RTF1: variants seen among roughly 807,000 people sequenced by gnomAD.
RTF1 encodes RTF1 homolog, Paf1/RNA polymerase II complex component, also known as RNA polymerase-associated protein RTF1 homolog.
In RTF1, 10 loss-of-function variants were observed where a neutral mutation model predicts 95.7. The observed-to-expected ratio is 0.10, with a 90% CI of 0.06 to 0.18. The LOEUF (loss-of-function observed/expected upper bound fraction) is 0.18, where lower values mean the gene tolerates loss of function less well. RTF1 is among the 10% of genes least tolerant of loss of function. The pLI is 1.00. For synonymous variants in RTF1, 305 were observed against 311.8 expected, an observed-to-expected ratio of 0.98 and a Z score of 0.23; for missense variants, 458 against 875.6, an observed-to-expected ratio of 0.52 and a Z score of 6.02.
intron 1 of RTF1, among the ~76,000 whole-genome samples, chr15:41,426,686 CCCGCCCCCCCCCCCCCCCG>C: frequency 1.2e-4 from 1 of 8,578 alleles, no homozygotes; most frequent in African/African-American, 3.2e-4. Context: ...GGTGATCCAC[CCCGCCCCCCCCCCCCCCCG>C]CCCCCCCCCC....
At position 41,453,165 on chromosome 15, in the gene RTF1, A is replaced by C. The variant is rs1595433508; in HGVS notation, c.457+117A>C. 7.8e-6 allele frequency: 6 copies of C among 773,440 alleles called. No individual in the cohort carries two copies. The East Asian group carries it at 1.8e-4, about 23-fold the overall frequency. The allele number at this position is 773,440 out of a possible 1,614,324, so 47.9% of individuals were successfully genotyped here. ...GCATTCAGCATGACCTCTTCTTTAG[A>C]GCAGTGGTTCTTAACTTTTTCCATG... On this transcript the variant is annotated intron_variant, in intron 3 of 17. Transcript: ENST00000389629.
At chr15:41,443,408 C>T (rs1203196416) in intron 2 of RTF1, among the ~76,000 whole-genome samples, 1 of 152,144 alleles carries the variant, frequency 6.6e-6, no homozygotes, top group Non-Finnish European at 1.5e-5. Context: ...AGAAGCAAGG[C>T]TGTTTGTAAG....
At position 41,436,667 on chromosome 15, in the gene RTF1, T is replaced by C. The variant is rs189016497; in HGVS notation, c.199-1654T>C. ...AAATTAGCCAGGCATGGTGGCATTC[T>C]CCTGTAGTCCCATCTACTTGGGAGG... On this transcript the variant is annotated intron_variant, in intron 1 of 17. Coordinates refer to ENST00000389629, the MANE Select transcript of RTF1 (RefSeq NM_015138.5). Among the ~76,000 whole-genome samples the C allele has an allele frequency of 5.6e-3, 824 of 147,392 alleles. 5 individuals carry two copies. Among genetic ancestry groups the C allele is most frequent in the Non-Finnish European group, 9.0e-3 (605 of 67,116 alleles).
intron 8 of RTF1, among the ~76,000 whole-genome samples, chr15:41,472,213 T>G (rs1019841809): frequency 2.8e-5 from 4 of 143,662 alleles, no homozygotes; most frequent in East Asian, 2.0e-4. Context: ...TTATTTGTTG[T>G]TTTTTTTTTT....
intron 1 of RTF1, among the ~76,000 whole-genome samples, chr15:41,435,208 G>C (rs1266695305): frequency 6.6e-6 from 1 of 152,134 alleles, no homozygotes; most frequent in Non-Finnish European, 1.5e-5. Context: ...GAAGGAGTCA[G>C]AGATGAGATT....
rs982539127 is a variant in RTF1 at position 41,480,863 on chromosome 15, C to T, written c.*176C>T. 17 of 595,280 alleles carry T rather than the reference C, an allele frequency of 2.9e-5. No homozygotes were observed. Among genetic ancestry groups the T allele is most frequent in the Middle Eastern group, 3.9e-4 (1 of 2,568 alleles). The allele number at this position is 595,280 out of a possible 1,614,324, so 36.9% of individuals were successfully genotyped here. Reference sequence around the variant, plus strand: ...GCTGTATAGACCTCCTTTGTCTGCACACCATCTCCCACCAGCCTCCCCTCC... The same window carrying T: ...GCTGTATAGACCTCCTTTGTCTGCATACCATCTCCCACCAGCCTCCCCTCC... On this transcript the variant is annotated 3_prime_UTR_variant, in exon 18 of 18. Transcript: ENST00000389629.
At chr15:41,438,117 G>T (rs2050714241) in intron 1 of RTF1, among the ~76,000 whole-genome samples, 1 of 152,182 alleles carries the variant, frequency 6.6e-6, no homozygotes, top group Non-Finnish European at 1.5e-5. Context: ...CATTGAAAAG[G>T]TGGGGCAGAT....
intron 6 of RTF1, among the ~76,000 whole-genome samples, chr15:41,467,934 G>GTTGGAGAC (rs1360781109): frequency 3.3e-5 from 5 of 152,148 alleles, no homozygotes; most frequent in Non-Finnish European, 5.9e-5. Flanking sequence ...TGAGGTCAGA[G>GTTGGAGAC]CAGGCAGATC....
intron 4 of RTF1, among the ~76,000 whole-genome samples, chr15:41,461,316 G>A (rs2050847440): frequency 6.6e-6 from 1 of 152,030 alleles, no homozygotes; most frequent in Admixed American, 6.6e-5. Context: ...CAAAGTGCTG[G>A]GATTACAGGC....
intron 1 of RTF1, among the ~76,000 whole-genome samples, chr15:41,425,710 A>G (rs2050625384): frequency 6.6e-6 from 1 of 152,086 alleles, no homozygotes; most frequent in Admixed American, 6.6e-5. Context: ...TAAATGAAGG[A>G]CTGACTTGGA....
Position 41,438,318 on chromosome 15 carries a change from T to C in RTF1, c.199-3T>C. On this transcript the variant is annotated splice_region_variant and splice_polypyrimidine_tract_variant and intron_variant, in intron 1 of 17. Coordinates refer to ENST00000389629, the MANE Select transcript of RTF1 (RefSeq NM_015138.5). ...ACTGATGTGCCTATTTTTGTCCCATTAGGAGCTCTTGTCCCTGGCAAAGCG... is the reference window on the plus strand; with the variant it reads ...ACTGATGTGCCTATTTTTGTCCCATCAGGAGCTCTTGTCCCTGGCAAAGCG... 3 of 1,547,128 alleles carry C rather than the reference T, an allele frequency of 1.9e-6. No homozygotes were observed. The South Asian group carries it at 3.6e-5, about 18-fold the overall frequency.
intron 3 of RTF1, among the ~76,000 whole-genome samples, chr15:41,456,190 C>CA (rs34135319): frequency 0.087 from 9,858 of 112,808 alleles, 383 homozygotes; most frequent in East Asian, 0.19. Flanking sequence ...AACTCCATCT[C>CA]AAAAAAAAAA....
At chr15:41,475,044 A>G (rs2050935740) in intron 9 of RTF1, among the ~76,000 whole-genome samples, 1 of 152,192 alleles carries the variant, frequency 6.6e-6, no homozygotes, top group Non-Finnish European at 1.5e-5. Context: ...CATCTGTGAC[A>G]AGAAAGATCA....
At chr15:41,462,535 G>A (rs959186070) in intron 4 of RTF1, among the ~76,000 whole-genome samples, 3 of 152,158 alleles carry the variant, frequency 2.0e-5, no homozygotes, top group Admixed American at 2.0e-4. Context: ...TTATGTAAAT[G>A]TAAACTATCA....
At chr15:41,429,462 C>CTT (rs1299185822) in intron 1 of RTF1, among the ~76,000 whole-genome samples, 2 of 150,534 alleles carry the variant, frequency 1.3e-5, no homozygotes, top group South Asian at 2.1e-4. Context: ...CTCTCTCTCT[C>CTT]TTTCCAGGAG....
At chr15:41,438,149 T>C (rs897860777) in intron 1 of RTF1, among the ~76,000 whole-genome samples, 172 bp from the exon 2 acceptor site, 3 of 152,232 alleles carry the variant, frequency 2.0e-5, no homozygotes, top group African/African-American at 7.2e-5. Context: ...TTCTTCAGCA[T>C]CTTGGAATCC....
At chr15:41,443,231 A>G (rs1484617137) in intron 2 of RTF1, among the ~76,000 whole-genome samples, 1 of 152,210 alleles carries the variant, frequency 6.6e-6, no homozygotes, top group Non-Finnish European at 1.5e-5. Flanking sequence ...AAATGGGTAC[A>G]CTGGACATTC....
chr15:41,451,244 A>AT (rs35875907), intron 2 of RTF1, among the ~76,000 whole-genome samples: 5,417 of 152,284 alleles, frequency 0.036, 137 homozygotes, highest in Non-Finnish European at 0.051. Context: ...TACCAGACTT[A>AT]ATATTCAGTC....
At chr15:41,425,206 A>G (rs1195510195) in intron 1 of RTF1, among the ~76,000 whole-genome samples, 2 of 151,646 alleles carry the variant, frequency 1.3e-5, no homozygotes, top group African/African-American at 2.4e-5. Context: ...GGTTCATACC[A>G]TTCTCCTGCC....
Sources: gnomAD v4.1 joint callset for allele counts (sites outside exome capture counted in the v4.1 genomes callset) on GRCh38, gnomAD v4.1.1 for gene constraint, MANE v1.5 for transcripts, NCBI Gene and HGNC (gene_info 2026-07-23, HGNC 2026-07-21) for gene names.